The following GRAP2 variants were observed in gnomAD, a reference collection of about 807,000 sequenced individuals.
GRAP2 encodes GRB2-related adapter protein 2.
Under a neutral mutation model 43.5 loss-of-function variants are expected in GRAP2, and 31 were observed. That is an observed-to-expected ratio of 0.71 (90% CI 0.54 to 0.96). The LOEUF is 0.96. Among genes scored for constraint, GRAP2 ranks in the 40% least tolerant of loss-of-function variants. The pLI, the probability that GRAP2 is intolerant of heterozygous loss-of-function variation, is 0.00. For synonymous variants in GRAP2, 156 were observed against 164.8 expected, an observed-to-expected ratio of 0.95 and a Z score of 0.41; for missense variants, 371 against 424.4, an observed-to-expected ratio of 0.87 and a Z score of 1.11.
chr22:39,895,583 A>C, the GRAP2 span, among the ~76,000 whole-genome samples: 1 of 152,194 alleles, frequency 6.6e-6, no homozygotes, highest in Non-Finnish European at 1.5e-5. Context: ...GTTTTTTTAT[A>C]TGTATAGCTT....
At chr22:39,912,424 G>GA (rs1365933490) in intron 1 of GRAP2, among the ~76,000 whole-genome samples, 1 of 152,016 alleles carries the variant, frequency 6.6e-6, no homozygotes, top group Non-Finnish European at 1.5e-5. Context: ...CTTGTCTCTG[G>GA]AAAAAAAGTA....
chr22:39,953,228 C>T (rs1479222918), intron 2 of GRAP2, among the ~76,000 whole-genome samples: 1 of 152,186 alleles, frequency 6.6e-6, no homozygotes, highest in African/African-American at 2.4e-5. Flanking sequence ...TATCCAGCTG[C>T]TCCCTGAGCT....
At chr22:39,931,022 C>T (rs1157694353) in intron 1 of GRAP2, among the ~76,000 whole-genome samples, 1 of 152,190 alleles carries the variant, frequency 6.6e-6, no homozygotes, top group Non-Finnish European at 1.5e-5. Flanking sequence ...CTTTATCATG[C>T]TGATCTCACT....
chr22:39,942,623 C>CAAA (rs71761183), intron 1 of GRAP2, among the ~76,000 whole-genome samples: 1 of 120,968 alleles, frequency 8.3e-6, no homozygotes, highest in Admixed American at 8.5e-5. Flanking sequence ...CGATCTCTAC[C>CAAA]AAAAAAAAAA....
At chr22:39,905,812 C>G (rs946526026) in intron 1 of GRAP2, among the ~76,000 whole-genome samples, 2 of 152,180 alleles carry the variant, frequency 1.3e-5, no homozygotes, top group Non-Finnish European at 2.9e-5. Context: ...TTCCTGAGCA[C>G]TCTCTCTGAT....
At chr22:39,965,216 C>A (rs953475657) in intron 4 of GRAP2, among the ~76,000 whole-genome samples, 1 of 152,134 alleles carries the variant, frequency 6.6e-6, no homozygotes, top group African/African-American at 2.4e-5. Context: ...ATGGCGAAAC[C>A]CCGTCTTTAC....
At chr22:39,947,411 G>T (rs1052254686) in intron 2 of GRAP2, 5 of 537,146 alleles carry the variant, frequency 9.3e-6, no homozygotes, top group Non-Finnish European at 1.7e-5. Context: ...AGTCTGGAGA[G>T]GGGAACACAT....
intron 1 of GRAP2, chr22:39,946,785 CAG>C (rs1415546629): frequency 1.7e-5 from 5 of 287,958 alleles, no homozygotes; most frequent in Admixed American, 1.4e-4. Flanking sequence ...CAGCTGCAAA[CAG>C]AGATGCCCCC....
At chr22:39,931,331 T>C (rs1601706873) in intron 1 of GRAP2, among the ~76,000 whole-genome samples, 1 of 152,066 alleles carries the variant, frequency 6.6e-6, no homozygotes, top group East Asian at 1.9e-4. Context: ...GAGTCAGTAA[T>C]GGAGGACTTG....
chr22:39,966,209 G>A, intron 5 of GRAP2, 51 bp downstream of exon 5: 1 of 1,459,840 alleles, frequency 6.9e-7, no homozygotes, highest in South Asian at 1.1e-5. Context: ...GGCAGCCTGA[G>A]TTCTCACATG....
rs184098105 is a variant in GRAP2 at position 39,943,868 on chromosome 22, C to T, written c.-14-3225C>T. On this transcript the variant is annotated intron_variant, in intron 1 of 7. Coordinates refer to ENST00000344138, the MANE Select transcript of GRAP2 (RefSeq NM_004810.4). Reference sequence around the variant, plus strand: ...CCAAGTAGCTGGGACTACAGGCACACACCACCATGCCCAGCTAATTTCTGT... The same window carrying T: ...CCAAGTAGCTGGGACTACAGGCACATACCACCATGCCCAGCTAATTTCTGT... 4.3e-4 allele frequency among the ~76,000 whole-genome samples: 66 copies of T among 152,094 alleles called. No individual in the cohort carries two copies. In the East Asian group the frequency reaches 9.1e-3, roughly 21 times the overall value.
At chr22:39,954,803 A>T (rs971415976) in intron 2 of GRAP2, among the ~76,000 whole-genome samples, 1 of 152,244 alleles carries the variant, frequency 6.6e-6, no homozygotes. Context: ...CTGGTGAGTA[A>T]TATGAGTAAC....
chr22:39,957,145 G>C (rs527262714), intron 3 of GRAP2, among the ~76,000 whole-genome samples: 1 of 152,230 alleles, frequency 6.6e-6, no homozygotes, highest in Non-Finnish European at 1.5e-5. Context: ...CTAGCTCAAA[G>C]AGCAAAAGCT....
intron 1 of GRAP2, among the ~76,000 whole-genome samples, chr22:39,919,456 G>T (rs1258313477): frequency 6.6e-6 from 1 of 152,010 alleles, no homozygotes; most frequent in Non-Finnish European, 1.5e-5. Context: ...ATTTTATTTA[G>T]AGTCATTGTC....
chr22:39,926,400 A>T (rs542433103), intron 1 of GRAP2, among the ~76,000 whole-genome samples: 2 of 152,116 alleles, frequency 1.3e-5, no homozygotes, highest in Non-Finnish European at 2.9e-5. Flanking sequence ...CTAGCAAATG[A>T]AATAAACTGT....
At chr22:39,957,652 G>T (rs2067071750) in intron 3 of GRAP2, among the ~76,000 whole-genome samples, 1 of 152,198 alleles carries the variant, frequency 6.6e-6, no homozygotes, top group Admixed American at 6.5e-5. Flanking sequence ...CAGAGGCCAG[G>T]TGGGTTTTGT....
intron 2 of GRAP2, among the ~76,000 whole-genome samples, chr22:39,950,529 T>G (rs552867422): frequency 7.2e-5 from 11 of 152,332 alleles, no homozygotes; most frequent in Middle Eastern, 3.4e-3. Flanking sequence ...GAATGAACTT[T>G]CAATTCCTCT....
At position 39,960,113 on chromosome 22, in the gene GRAP2, G is replaced by C; in HGVS notation, c.229G>C (p.Val77Leu). ...QAENLLMGKE[V>L]GFFIIRASQS... ...AGAGAACTTACTCATGGGCAAGGAG[G>C]TTGGCTTCTTCATCATCCGGGCCAG... The change falls in exon 4 of 8, where the codon GTT (valine) becomes CTT (leucine). Residue 77 changes from valine (V) to leucine (L), a missense_variant. Transcript: ENST00000344138. 1 of 1,612,928 alleles carries C rather than the reference G, an allele frequency of 6.2e-7. No homozygotes were observed. The highest frequency in any genetic ancestry group is 8.5e-7 in the Non-Finnish European group (1 of 1,178,894).
At chr22:39,947,981 C>T (rs2066941255) in intron 2 of GRAP2, 1 of 152,422 alleles carries the variant, frequency 6.6e-6, no homozygotes, top group African/African-American at 2.4e-5. Flanking sequence ...ATCCCTGGTC[C>T]TCAGATAGCC....
Sources: allele counts gnomAD v4.1 joint callset (sites outside exome capture counted in the v4.1 genomes callset), GRCh38; gene constraint gnomAD v4.1.1; transcripts MANE v1.5; gene names NCBI Gene and HGNC (gene_info 2026-07-23, HGNC 2026-07-21).